The following RFX3 variants were observed in gnomAD, a reference collection of about 807,000 sequenced individuals.
RFX3 encodes transcription factor RFX3.
A neutral mutation model predicts 98.6 loss-of-function variants in RFX3; 14 were observed. The observed-to-expected ratio is 0.14, with a 90% CI of 0.09 to 0.22. RFX3 has a LOEUF of 0.22. Ranked by LOEUF, RFX3 falls within the 10% of genes least tolerant of loss-of-function variation. The pLI is 1.00. For synonymous variants in RFX3, 383 were observed against 328.4 expected, an observed-to-expected ratio of 1.17 and a Z score of -1.80; for missense variants, 639 against 926.9, an observed-to-expected ratio of 0.69 and a Z score of 4.03.
intron 2 of RFX3, among the ~76,000 whole-genome samples, chr9:3,363,447 A>G (rs1836688380): frequency 6.6e-6 from 1 of 152,208 alleles, no homozygotes; most frequent in African/African-American, 2.4e-5. Context: ...GCATATTTAC[A>G]GGAGAGTTAA....
chr9:3,456,236 T>C (rs1459261700), intron 1 of RFX3, among the ~76,000 whole-genome samples: 1 of 152,222 alleles, frequency 6.6e-6, no homozygotes, highest in Non-Finnish European at 1.5e-5. Flanking sequence ...ATTCAAACCA[T>C]GGCACTGTGG....
intron 15 of RFX3, among the ~76,000 whole-genome samples, chr9:3,235,491 C>G (rs116471835): frequency 0.021 from 3,161 of 152,298 alleles, 117 homozygotes; most frequent in African/African-American, 0.072. Flanking sequence ...CAGTTAGTGG[C>G]TAAAAACAAG....
At chr9:3,355,961 CAAGGGA>C (rs1430131391) in intron 2 of RFX3, among the ~76,000 whole-genome samples, 1 of 151,604 alleles carries the variant, frequency 6.6e-6, no homozygotes, top group East Asian at 1.9e-4. Context: ...GAAGAAATCA[CAAGGGA>C]AATTAGACAA....
chr9:3,271,934 G>C (rs16916366), intron 9 of RFX3, among the ~76,000 whole-genome samples: 7,351 of 151,848 alleles, frequency 0.048, 515 homozygotes, highest in African/African-American at 0.16. Context: ...CCTCCTTTAC[G>C]GAACAACCTT....
intron 4 of RFX3, among the ~76,000 whole-genome samples, chr9:3,316,559 T>C (rs1397883951): frequency 6.6e-6 from 1 of 152,208 alleles, no homozygotes; most frequent in Non-Finnish European, 1.5e-5. Flanking sequence ...TAAAGAGTAT[T>C]CAATTAGGAA....
At chr9:3,458,532 T>C (rs1466170044) in intron 1 of RFX3, among the ~76,000 whole-genome samples, 2 of 151,766 alleles carry the variant, frequency 1.3e-5, no homozygotes, top group African/African-American at 4.9e-5. Flanking sequence ...AGGTGGGAAA[T>C]AGAAACAAAG....
rs185966238 is a variant in RFX3, at chr9:3,512,304, G to T, written c.-9+13443C>A. On this transcript the variant is annotated intron_variant, in intron 1 of 16. Transcript: ENST00000617270. Reference sequence around the variant, plus strand: ...CAAATTATATAGCTTTAGAGCAATAGAAGGTACTACTTTGTTAAATCCATA... The same window carrying T: ...CAAATTATATAGCTTTAGAGCAATATAAGGTACTACTTTGTTAAATCCATA... Among the ~76,000 whole-genome samples, 185 of 152,092 alleles carry T rather than the reference G, an allele frequency of 1.2e-3. 1 individual carries two copies. The highest frequency in any genetic ancestry group is 4.1e-3 in the African/African-American group (172 of 41,546).
At chr9:3,306,374 A>G (rs1438340693) in intron 4 of RFX3, among the ~76,000 whole-genome samples, 1 of 152,064 alleles carries the variant, frequency 6.6e-6, no homozygotes, top group African/African-American at 2.4e-5. Flanking sequence ...CAGTGCAACT[A>G]TGGTGTGTGC....
At chr9:3,353,438 C>A (rs1004847192) in intron 2 of RFX3, among the ~76,000 whole-genome samples, 4 of 151,904 alleles carry the variant, frequency 2.6e-5, no homozygotes, top group Non-Finnish European at 5.9e-5. Context: ...TTAGAGAAAA[C>A]GACAGCAACA....
intron 4 of RFX3, chr9:3,323,962 T>G (rs189918031): frequency 4.8e-4 from 195 of 407,976 alleles, no homozygotes; most frequent in African/African-American, 3.7e-3. Context: ...AGACTACAAG[T>G]CATTCAAAGT....
intron 14 of RFX3, among the ~76,000 whole-genome samples, chr9:3,248,765 A>C (rs1821006508): frequency 6.6e-6 from 1 of 152,256 alleles, no homozygotes; most frequent in East Asian, 1.9e-4. Flanking sequence ...CAGTTTCTTA[A>C]TGATTTCCAC....
intron 15 of RFX3, among the ~76,000 whole-genome samples, chr9:3,234,635 T>C (rs1445488050): frequency 3.3e-5 from 5 of 151,586 alleles, no homozygotes. Context: ...CAAGACCCAG[T>C]CTCAAAACAA....
intron 4 of RFX3, among the ~76,000 whole-genome samples, chr9:3,305,848 A>T (rs1033766195): frequency 6.6e-6 from 1 of 152,054 alleles, no homozygotes; most frequent in African/African-American, 2.4e-5. Context: ...ATTGTAGGTT[A>T]GATATTTAAG....
At chr9:3,298,480 C>A (rs1420100520) in intron 5 of RFX3, among the ~76,000 whole-genome samples, 1 of 151,772 alleles carries the variant, frequency 6.6e-6, no homozygotes, top group Non-Finnish European at 1.5e-5. Flanking sequence ...TCTTTTTATT[C>A]ATTCAGCAAA....
At chr9:3,524,572 C>G in intron 1 of RFX3, 2 of 951,652 alleles carry the variant, frequency 2.1e-6, no homozygotes, top group Non-Finnish European at 2.5e-6. Context: ...AAAAAAAACT[C>G]TTAAAGTACC....
rs751629721 is a variant in RFX3 at position 3,225,146 on chromosome 9, C to T, written c.2146G>A (p.Val716Met). 25 of 1,613,836 alleles carry T rather than the reference C, an allele frequency of 1.5e-5. No homozygotes were observed. The highest frequency in any genetic ancestry group is 6.7e-5 in the African/African-American group (5 of 74,914). ...GCMQPVLETGVQPSLLNPIHS... is the reference protein window; with the variant it reads ...GCMQPVLETGMQPSLLNPIHS... ...ATTGGATTCAGGAGGCTTGGTTGCA[C>T]GCCAGTCTCGAGAACAGGCTGCATG... The change falls in exon 17 of 17, where the codon GTG (valine) becomes ATG (methionine). Residue 716 changes from valine to methionine, a missense_variant. Around this residue, in one of 9 missense-constraint regions of RFX3, gnomAD observed 129 missense variants for 124.6 expected, o/e 1.04. Transcript: ENST00000617270.
At chr9:3,385,687 TAAAA>T (rs1163965329) in intron 2 of RFX3, among the ~76,000 whole-genome samples, 1 of 118,688 alleles carries the variant, frequency 8.4e-6, no homozygotes, top group Non-Finnish European at 1.8e-5. Context: ...CAGCCTGTCT[TAAAA>T]AAAAAAAAAA....
intron 4 of RFX3, among the ~76,000 whole-genome samples, chr9:3,323,762 G>A (rs562671394): frequency 1.3e-5 from 2 of 152,194 alleles, no homozygotes; most frequent in African/African-American, 4.8e-5. Context: ...GAATTCACTG[G>A]CTATGCTCAG....
intron 1 of RFX3, among the ~76,000 whole-genome samples, chr9:3,411,890 A>G (rs978710146): frequency 5.9e-5 from 9 of 152,078 alleles, no homozygotes; most frequent in Non-Finnish European, 1.0e-4. Context: ...AAAATACTCT[A>G]CATATATAAG....
Sources: gnomAD v4.1 joint callset for allele counts (sites outside exome capture counted in the v4.1 genomes callset) on GRCh38, gnomAD v4.1.1 for gene constraint, gnomAD v4.1.1 regional missense constraint, MANE v1.5 for transcripts, NCBI Gene and HGNC (gene_info 2026-07-23, HGNC 2026-07-21) for gene names.